The following UCHL3 variants were observed in gnomAD, a reference collection of about 807,000 sequenced individuals.
UCHL3 encodes the protein ubiquitin carboxyl-terminal hydrolase isozyme L3.
A neutral mutation model predicts 35.8 loss-of-function variants in UCHL3; 22 were observed. The observed-to-expected ratio is 0.61, with a 90% CI of 0.44 to 0.88. UCHL3 has a LOEUF of 0.88. Among genes scored for constraint, UCHL3 ranks in the 40% least tolerant of loss-of-function variants. The pLI, the probability that UCHL3 is intolerant of heterozygous loss-of-function variation, is 0.00. For synonymous variants in UCHL3, 90 were observed against 92.8 expected (o/e 0.97, Z 0.17); for missense variants, 229 against 276.9 (o/e 0.83, Z 1.23).
At chr13:75,583,422 A>G (rs935813745) in intron 6 of UCHL3, among the ~76,000 whole-genome samples, 3 of 152,216 alleles carry the variant, frequency 2.0e-5, no homozygotes, top group Non-Finnish European at 1.5e-5. Context: ...AAAGAAGGCT[A>G]AAATTACTAG....
intron 6 of UCHL3, among the ~76,000 whole-genome samples, chr13:75,576,744 C>T (rs536989394): frequency 2.6e-5 from 4 of 152,240 alleles, no homozygotes; most frequent in African/African-American, 9.6e-5. Context: ...GCTAAGCTTT[C>T]AATTGACTAA....
At chr13:75,577,088 A>G (rs2138520110) in intron 6 of UCHL3, among the ~76,000 whole-genome samples, 1 of 152,218 alleles carries the variant, frequency 6.6e-6, no homozygotes, top group South Asian at 2.1e-4. Flanking sequence ...TGTATGTACA[A>G]AAAAATTAGC....
At chr13:75,558,293 C>G (rs759497621) in intron 2 of UCHL3, among the ~76,000 whole-genome samples, 1 of 152,192 alleles carries the variant, frequency 6.6e-6, no homozygotes, top group Non-Finnish European at 1.5e-5. Context: ...GGTATCACTA[C>G]AGTGGCTGCG....
Position 75,592,439 on chromosome 13 carries a change from T to TAC in UCHL3, c.475-2475_475-2474insCA, listed in dbSNP as rs1566228024. On this transcript the variant is annotated intron_variant, in intron 6 of 8. Coordinates refer to ENST00000377595, the MANE Select transcript of UCHL3 (RefSeq NM_006002.5). ...TCATATATATATATATATATATATA[T>TAC]ATATATATATATATATATATATATA... 5.3e-3 allele frequency among the ~76,000 whole-genome samples: 548 copies of TAC among 102,614 alleles called. 8 individuals are homozygous for TAC. Among genetic ancestry groups the TAC allele is most frequent in the Non-Finnish European group, 7.3e-3 (360 of 49,586 alleles). The allele number at this position is 102,614 out of a possible 152,430, so 67.3% of individuals were successfully genotyped here.
In UCHL3 at chr13:75,604,775, G is replaced by A. The variant is rs1462241748; in HGVS notation, c.557G>A (p.Arg186Gln). The A allele has an allele frequency of 5.0e-6, 8 of 1,596,938 alleles. No individual in the cohort carries two copies. The Admixed American group carries it at 5.2e-5, about 10-fold the overall frequency. ...VDGHLYELDG[R>Q]KPFPINHGET... ...GTTTGTCTGTTTTCCACAGATGGGC[G>A]GAAGCCATTTCCAATTAACCATGGT... The change falls in exon 8 of 9, where the codon CGG becomes CAG. Residue 186 changes from arginine (R) to glutamine (Q), a missense_variant. By Grantham distance (43) the Arg-to-Gln change is conservative. Coordinates refer to ENST00000377595, the MANE Select transcript of UCHL3 (RefSeq NM_006002.5).
intron 6 of UCHL3, among the ~76,000 whole-genome samples, chr13:75,575,042 G>A (rs1257522171): frequency 6.6e-6 from 1 of 152,170 alleles, no homozygotes; most frequent in Non-Finnish European, 1.5e-5. Flanking sequence ...ATAACAAGTA[G>A]CTTCATCACT....
In UCHL3 at chr13:75,605,970, C is replaced by T; in HGVS notation, c.*158C>T. 1 of 647,662 alleles carries T rather than the reference C, an allele frequency of 1.5e-6. No homozygotes were observed. Among genetic ancestry groups the T allele is most frequent in the Non-Finnish European group, 2.6e-6 (1 of 385,922 alleles). The allele number at this position is 647,662 out of a possible 1,614,324, so 40.1% of individuals were successfully genotyped here. On this transcript the variant is annotated 3_prime_UTR_variant, in exon 9 of 9. Coordinates refer to ENST00000377595, the MANE Select transcript of UCHL3 (RefSeq NM_006002.5). ...CCTGTGTTTTATGTTATTTTTGCTC[C>T]AGGTTAAAGGTGCAATGCTTTCCTC...
chr13:75,581,118 G>A (rs1402133477), intron 6 of UCHL3, among the ~76,000 whole-genome samples: 1 of 151,922 alleles, frequency 6.6e-6, no homozygotes, highest in Non-Finnish European at 1.5e-5. Flanking sequence ...TGGTAATCAT[G>A]TTAGGTATAT....
chr13:75,605,846 A>G lies in UCHL3; in HGVS notation c.*34A>G, dbSNP rs1217000483. ...TAATGGAAACACCAAAAACTGTATT[A>G]TTTGCAACTAAATTTTCTCTGCCAT... On this transcript the variant is annotated 3_prime_UTR_variant, in exon 9 of 9. Transcript: ENST00000377595. 1 of 1,602,344 alleles carries G rather than the reference A, an allele frequency of 6.2e-7. No individual in the cohort carries two copies. The highest frequency in any genetic ancestry group is 1.3e-5 in the African/African-American group (1 of 74,336).
intron 6 of UCHL3, among the ~76,000 whole-genome samples, chr13:75,581,347 CTT>C (rs11310964): frequency 1.5e-3 from 201 of 135,066 alleles, no homozygotes; most frequent in Middle Eastern, 3.7e-3. Context: ...CACTTGATTT[CTT>C]TTTTTTTTTT....
chr13:75,550,055 G>A (rs1380686738), intron 2 of UCHL3, 68 bp downstream of exon 2: 1 of 1,606,876 alleles, frequency 6.2e-7, no homozygotes, highest in Non-Finnish European at 8.5e-7. Context: ...TTCCCTGCTG[G>A]ACTCCACCTC....
rs9573588 is a variant in UCHL3, at chr13:75,600,687, C to T, written c.551-4082C>T. ...AATGCACCTTGTAATCCAAGAAGTCCGATATAGATATATTTACAAAGAGAT... is the reference window on the plus strand; with the variant it reads ...AATGCACCTTGTAATCCAAGAAGTCTGATATAGATATATTTACAAAGAGAT... On this transcript the variant is annotated intron_variant, in intron 7 of 8. Transcript: ENST00000377595. Among the ~76,000 whole-genome samples, 2,081 of 152,226 alleles carry T rather than the reference C, an allele frequency of 0.014. 81 individuals carry two copies. The East Asian group carries it at 0.15, about 11-fold the overall frequency.
chr13:75,555,240 C>T (rs548028781), intron 2 of UCHL3, among the ~76,000 whole-genome samples: 1 of 152,334 alleles, frequency 6.6e-6, no homozygotes, highest in East Asian at 1.9e-4. Context: ...TTCAAGTCAT[C>T]TCATCAGTGA....
chr13:75,575,506 G>C (rs555442240), intron 6 of UCHL3, among the ~76,000 whole-genome samples: 1 of 152,268 alleles, frequency 6.6e-6, no homozygotes, highest in South Asian at 2.1e-4. Flanking sequence ...AGTGTTATTA[G>C]AGTTGCTACA....
chr13:75,566,904 G>T (rs2138491072), intron 4 of UCHL3, 53 bp downstream of exon 4: 1 of 1,530,808 alleles, frequency 6.5e-7, no homozygotes, highest in Non-Finnish European at 8.8e-7. Flanking sequence ...CAAGTTAATT[G>T]CATTGAGCAG....
At chr13:75,567,612 A>G (rs1430010130) in intron 5 of UCHL3, among the ~76,000 whole-genome samples, 1 of 151,148 alleles carries the variant, frequency 6.6e-6, no homozygotes, top group Non-Finnish European at 1.5e-5. Flanking sequence ...CAGTGATGCC[A>G]TCTCTGCTCA....
intron 7 of UCHL3, chr13:75,604,398 C>G (rs1420889140): frequency 6.1e-6 from 1 of 164,182 alleles, no homozygotes; most frequent in Non-Finnish European, 1.3e-5. Flanking sequence ...ACATGTCTGT[C>G]TTACTTGAGA....
At position 75,604,968 on chromosome 13, in the gene UCHL3, T is replaced by C. The variant is rs938069594; in HGVS notation, c.609+141T>C. ...TCTCTAGAAAATCCAAAAAGAAAAT[T>C]TATATTAGTGTTAAAAATCTACAAC... On this transcript the variant is annotated intron_variant, in intron 8 of 8. Transcript: ENST00000377595. 6 of 588,828 alleles carry C rather than the reference T, an allele frequency of 1.0e-5. No individual in the cohort carries two copies. The Admixed American group carries it at 2.5e-4, about 25-fold the overall frequency. The allele number at this position is 588,828 out of a possible 1,614,324, so 36.5% of individuals were successfully genotyped here.
At chr13:75,591,135 T>C (rs2032468060) in intron 6 of UCHL3, among the ~76,000 whole-genome samples, 3 of 152,160 alleles carry the variant, frequency 2.0e-5, no homozygotes, top group African/African-American at 7.2e-5. Context: ...TTAAGAACAA[T>C]TAAAAGTCAA....
Sources: gnomAD v4.1 joint callset for allele counts (sites outside exome capture counted in the v4.1 genomes callset) on GRCh38, gnomAD v4.1.1 for gene constraint, MANE v1.5 for transcripts, NCBI Gene and HGNC (gene_info 2026-07-23, HGNC 2026-07-21) for gene names.